Variants in RABGAP1L observed in about 807,000 individuals in gnomAD.
RABGAP1L encodes RAB GTPase activating protein 1 like.
In RABGAP1L, 63 loss-of-function variants were observed where a neutral mutation model predicts 137.7. The ratio of observed to expected loss-of-function variants is 0.46; its 90% CI spans 0.37 to 0.56. RABGAP1L has a LOEUF of 0.56. Ranked by LOEUF, RABGAP1L falls within the 20% of genes least tolerant of loss-of-function variation. The pLI is 0.00. For missense variants in RABGAP1L, 1,095 were observed against 1,244.0 expected, an observed-to-expected ratio of 0.88 and a Z score of 1.80; for synonymous variants, 431 against 433.7, an observed-to-expected ratio of 0.99 and a Z score of 0.08.
At chr1:174,688,419 A>G (rs1678635593) in intron 15 of RABGAP1L, among the ~76,000 whole-genome samples, 1 of 152,090 alleles carries the variant, frequency 6.6e-6, no homozygotes, top group South Asian at 2.1e-4. Flanking sequence ...CAACTGCAAG[A>G]AGGATTATGT....
chr1:174,609,775 A>C (rs929526603), intron 13 of RABGAP1L, among the ~76,000 whole-genome samples: 2 of 152,192 alleles, frequency 1.3e-5, no homozygotes, highest in Non-Finnish European at 2.9e-5. Context: ...CTGTCACTTT[A>C]ATAAGAGTGA....
chr1:174,574,596 G>C (rs1557862164), intron 13 of RABGAP1L, among the ~76,000 whole-genome samples: 1 of 151,950 alleles, frequency 6.6e-6, no homozygotes, highest in East Asian at 1.9e-4. Context: ...TACAAGTTTT[G>C]TTTTTCTGTG....
chr1:174,560,009 C>A (rs1667105880), intron 13 of RABGAP1L, among the ~76,000 whole-genome samples: 1 of 152,122 alleles, frequency 6.6e-6, no homozygotes, highest in Admixed American at 6.5e-5. Flanking sequence ...TTGGCACATG[C>A]CTGTAATCCC....
At chr1:174,972,853 CAAAAAA>C (rs373159573) in intron 21 of RABGAP1L, among the ~76,000 whole-genome samples, 1 of 52,826 alleles carries the variant, frequency 1.9e-5, no homozygotes, top group African/African-American at 7.5e-5. Flanking sequence ...GACTCTGTCT[CAAAAAA>C]AAAAAAAAAA....
intron 19 of RABGAP1L, among the ~76,000 whole-genome samples, chr1:174,885,318 A>G (rs1022278549): frequency 2.6e-5 from 4 of 152,230 alleles, no homozygotes; most frequent in Non-Finnish European, 4.4e-5. Flanking sequence ...TTAATTGTCA[A>G]TATATGTAAA....
intron 11 of RABGAP1L, among the ~76,000 whole-genome samples, chr1:174,354,801 A>G (rs966438214): frequency 1.3e-5 from 2 of 152,220 alleles, no homozygotes; most frequent in African/African-American, 4.8e-5. Flanking sequence ...TAGGTCTAAC[A>G]TGTAAGTCTT....
intron 13 of RABGAP1L, among the ~76,000 whole-genome samples, chr1:174,607,379 C>G (rs1670867353): frequency 6.6e-6 from 1 of 152,186 alleles, no homozygotes; most frequent in Non-Finnish European, 1.5e-5. Flanking sequence ...TGTGGTGTTG[C>G]AATACCTGCT....
At chr1:174,385,381 G>T (rs1178457697) in intron 12 of RABGAP1L, among the ~76,000 whole-genome samples, 1 of 152,178 alleles carries the variant, frequency 6.6e-6, no homozygotes, top group Non-Finnish European at 1.5e-5. Flanking sequence ...TCAAGATTTT[G>T]GAGATGTTGA....
chr1:174,471,708 C>T (rs558532728), intron 13 of RABGAP1L, among the ~76,000 whole-genome samples: 14 of 152,274 alleles, frequency 9.2e-5, no homozygotes, highest in South Asian at 6.2e-4. Flanking sequence ...TGATTGCATT[C>T]TCTTAGGAAT....
rs117563944 is a variant in RABGAP1L, at chr1:174,199,874, A to G, written c.-33-19251A>G. ...GGGAAAACTGAAAAATCCATGAAGG[A>G]AGTAATAGCTATTCTTAGAATTATT... is the stretch of plus-strand genomic sequence containing the variant. On this transcript the variant is annotated intron_variant, in intron 1 of 25. Coordinates refer to ENST00000681986, the MANE Select transcript of RABGAP1L (RefSeq NM_001366446.1). Among the ~76,000 whole-genome samples, 451 of 152,328 alleles carry G rather than the reference A, an allele frequency of 3.0e-3. 13 individuals are homozygous for G. The East Asian group carries it at 0.063, about 21-fold the overall frequency.
chr1:174,199,829 A>G (rs939117789), intron 1 of RABGAP1L, among the ~76,000 whole-genome samples: 1 of 152,226 alleles, frequency 6.6e-6, no homozygotes, highest in Non-Finnish European at 1.5e-5. Flanking sequence ...CTTCAGGGAA[A>G]TAACAGTGAG....
At chr1:174,556,950 G>C (rs1666922146) in intron 13 of RABGAP1L, among the ~76,000 whole-genome samples, 1 of 152,178 alleles carries the variant, frequency 6.6e-6, no homozygotes, top group South Asian at 2.1e-4. Context: ...GCTGTAGGTT[G>C]TTACATCCTT....
intron 18 of RABGAP1L, among the ~76,000 whole-genome samples, chr1:174,804,527 G>A (rs531704793): frequency 1.4e-4 from 22 of 152,128 alleles, no homozygotes; most frequent in African/African-American, 4.8e-4. Flanking sequence ...TGCCAACGCT[G>A]GTCTAAAACT....
At chr1:174,717,636 G>A (rs1681132147) in intron 17 of RABGAP1L, among the ~76,000 whole-genome samples, 1 of 152,046 alleles carries the variant, frequency 6.6e-6, no homozygotes, top group Non-Finnish European at 1.5e-5. Flanking sequence ...ACAAAAAACA[G>A]GTCACCTTTA....
intron 15 of RABGAP1L, among the ~76,000 whole-genome samples, chr1:174,697,459 T>G (rs1679345592): frequency 6.6e-6 from 1 of 152,128 alleles, no homozygotes; most frequent in African/African-American, 2.4e-5. Context: ...TATCTAGGAT[T>G]ACATGTACAC....
intron 15 of RABGAP1L, among the ~76,000 whole-genome samples, chr1:174,692,892 TA>T (rs948111032): frequency 6.6e-6 from 1 of 152,008 alleles, no homozygotes; most frequent in Non-Finnish European, 1.5e-5. Flanking sequence ...TTTTTAGAAG[TA>T]AAAAAAATCT....
In RABGAP1L at chr1:174,976,350, AT is replaced by A. The variant is rs921300295; in HGVS notation, c.2649+178del. ...AACATTTTTGTTCAACATTTCTGAC[AT>A]TTTTTTTTTGAAGGGTGTTAAAAGA... On this transcript the variant is annotated intron_variant, in intron 22 of 25. Coordinates refer to ENST00000681986, the MANE Select transcript of RABGAP1L (RefSeq NM_001366446.1). 9.7e-4 allele frequency among the ~76,000 whole-genome samples: 146 copies of A among 150,174 alleles called. 1 individual carries two copies. Among genetic ancestry groups the A allele is most frequent in the African/African-American group, 3.4e-3 (138 of 41,014 alleles).
intron 7 of RABGAP1L, among the ~76,000 whole-genome samples, chr1:174,268,774 T>G (rs149073021): frequency 0.022 from 3,395 of 152,284 alleles, 55 homozygotes; most frequent in Non-Finnish European, 0.033. Context: ...TAACTTGGTG[T>G]TAAAAGCTGC....
intron 18 of RABGAP1L, chr1:174,756,722 G>A (rs1684795944): frequency 3.6e-6 from 1 of 274,796 alleles, no homozygotes; most frequent in African/African-American, 2.3e-5. Flanking sequence ...ACTCCCAAAA[G>A]ACCCTGGAGT....
Sources: gnomAD v4.1 joint callset for allele counts (sites outside exome capture counted in the v4.1 genomes callset) on GRCh38, gnomAD v4.1.1 for gene constraint, MANE v1.5 for transcripts, NCBI Gene and HGNC (gene_info 2026-07-23, HGNC 2026-07-21) for gene names.